The following SETD7 variants were observed in gnomAD, a reference collection of about 807,000 sequenced individuals.
SETD7 encodes SET domain containing 7, histone lysine methyltransferase.
Under a neutral mutation model 41.8 loss-of-function variants are expected in SETD7, and 16 were observed. That is an observed-to-expected ratio of 0.38 (90% CI 0.26 to 0.58). The LOEUF (loss-of-function observed/expected upper bound fraction) is 0.58. SETD7 is among the 20% of genes least tolerant of loss of function. The pLI, the probability that SETD7 is intolerant of heterozygous loss-of-function variation, is 0.64. For synonymous variants in SETD7, 163 were observed against 169.7 expected (o/e 0.96, Z 0.31); for missense variants, 346 against 459.7 (o/e 0.75, Z 2.26).
chr4:139,553,739 G>C (rs1215068276), intron 1 of SETD7, among the ~76,000 whole-genome samples: 1 of 152,192 alleles, frequency 6.6e-6, no homozygotes, highest in Non-Finnish European at 1.5e-5. Context: ...TTATAGCAAT[G>C]ATAATAATAG....
At chr4:139,531,108 G>C (rs1468040546) in intron 3 of SETD7, among the ~76,000 whole-genome samples, 1 of 152,164 alleles carries the variant, frequency 6.6e-6, no homozygotes, top group Non-Finnish European at 1.5e-5. Context: ...TACTGGGTAG[G>C]GGTTAAGAGG....
chr4:139,538,404 G>T (rs942340734), intron 2 of SETD7, among the ~76,000 whole-genome samples: 1 of 152,040 alleles, frequency 6.6e-6, no homozygotes, highest in Non-Finnish European at 1.5e-5. Flanking sequence ...ATCTCGGCTT[G>T]CTGCAACCTC....
At chr4:139,526,721 T>C (rs1727339186) in intron 4 of SETD7, among the ~76,000 whole-genome samples, 1 of 152,206 alleles carries the variant, frequency 6.6e-6, no homozygotes, top group Non-Finnish European at 1.5e-5. Flanking sequence ...GATAATATAG[T>C]AAATGTTAGA....
chr4:139,545,556 G>A (rs998253158), intron 2 of SETD7, among the ~76,000 whole-genome samples: 6 of 152,172 alleles, frequency 3.9e-5, no homozygotes, highest in Non-Finnish European at 8.8e-5. Context: ...AGGTGGGGTT[G>A]GGGGCAACGG....
At chr4:139,529,769 T>C (rs1727430493) in intron 3 of SETD7, among the ~76,000 whole-genome samples, 2 of 152,234 alleles carry the variant, frequency 1.3e-5, no homozygotes, top group South Asian at 4.1e-4. Context: ...AAGAGAGTTA[T>C]CTGCACTTTT....
chr4:139,494,349 T>C (rs1300360209), downstream of SETD7, among the ~76,000 whole-genome samples: 5 of 152,360 alleles, frequency 3.3e-5, no homozygotes, highest in East Asian at 9.6e-4. Context: ...CATGTCCTGC[T>C]GTGTCTACTG....
chr4:139,538,710 T>G (rs541884050), intron 2 of SETD7, among the ~76,000 whole-genome samples: 1 of 152,230 alleles, frequency 6.6e-6, no homozygotes, highest in South Asian at 2.1e-4. Flanking sequence ...ATAATGTTCT[T>G]AACATGCTTA....
intron 3 of SETD7, chr4:139,532,919 T>A (rs754139460): frequency 7.1e-6 from 4 of 566,728 alleles, no homozygotes; most frequent in Non-Finnish European, 9.4e-6. Flanking sequence ...CAATTTGTTT[T>A]AATCATGATT....
chr4:139,530,953 C>T (rs1323628609), intron 3 of SETD7, among the ~76,000 whole-genome samples: 1 of 152,072 alleles, frequency 6.6e-6, no homozygotes, highest in Non-Finnish European at 1.5e-5. Context: ...AAATTTCCTC[C>T]TCTGCTGTAT....
rs149172899 is a variant in SETD7, at chr4:139,498,798, C to A, written c.921-2277G>T. Among the ~76,000 whole-genome samples, 12 of 152,340 alleles carry A rather than the reference C, an allele frequency of 7.9e-5. No homozygotes were observed. The East Asian group carries it at 2.3e-3, about 29-fold the overall frequency. ...ATAAAACCTAAAAATATCACTCTAA[C>A]TTTCCCTCTGCCTTTCTGTGTAAAA... On this transcript the variant is annotated intron_variant, in intron 7 of 7. Coordinates refer to the SETD7 transcript ENST00000506866.
chr4:139,512,493 T>C (rs889350280), intron 7 of SETD7, among the ~76,000 whole-genome samples: 1 of 152,136 alleles, frequency 6.6e-6, no homozygotes, highest in African/African-American at 2.4e-5. Context: ...GAGCAGTATC[T>C]CCTTCCTACA....
At chr4:139,542,031 C>T (rs771341188) in intron 2 of SETD7, among the ~76,000 whole-genome samples, 7 of 152,136 alleles carry the variant, frequency 4.6e-5, no homozygotes, top group Admixed American at 6.6e-5. Context: ...GTGGTATATA[C>T]GTACACAATG....
intron 3 of SETD7, among the ~76,000 whole-genome samples, chr4:139,529,787 C>G (rs566317341): frequency 8.5e-5 from 13 of 152,148 alleles, no homozygotes. Context: ...TTTTCAGAGG[C>G]AAACAAAAGG....
downstream of SETD7, among the ~76,000 whole-genome samples, chr4:139,493,224 T>C (rs1726384360): frequency 6.6e-6 from 1 of 152,196 alleles, no homozygotes; most frequent in Non-Finnish European, 1.5e-5. Context: ...TTCTGAGACA[T>C]GACGGTCAAG....
intron 7 of SETD7, chr4:139,496,588 C>T: frequency 1.5e-6 from 1 of 656,970 alleles, no homozygotes; most frequent in Non-Finnish European, 2.7e-6. Context: ...GATCTCAAGC[C>T]ACGGTGCTGA....
chr4:139,545,923 C>A (rs557649860), intron 2 of SETD7, among the ~76,000 whole-genome samples: 1 of 152,178 alleles, frequency 6.6e-6, no homozygotes, highest in African/African-American at 2.4e-5. Context: ...AGCCCTTTTG[C>A]GGCTCTGAAT....
chr4:139,539,088 T>C (rs1350572466), intron 2 of SETD7, among the ~76,000 whole-genome samples: 1 of 152,210 alleles, frequency 6.6e-6, no homozygotes, highest in Non-Finnish European at 1.5e-5. Context: ...TATAGAAAAC[T>C]GTTCTTAGAG....
rs1187966813 is a variant in SETD7 at position 139,517,734 on chromosome 4, C to T, written c.920+151G>A. 7.1e-6 allele frequency: 5 copies of T among 705,246 alleles called. No individual in the cohort carries two copies. In the East Asian group the frequency reaches 1.2e-4, roughly 17 times the overall value. The allele number at this position is 705,246 out of a possible 1,614,324, so 43.7% of individuals were successfully genotyped here. On this transcript the variant is annotated intron_variant, in intron 7 of 7. Transcript: ENST00000274031. ...GTGAGGCTGTTTAGATTTTGAGTTT[C>T]AAGTCATAACCCTGAGGCCGATAGC...
chr4:139,549,580 A>C (rs1560693697), intron 1 of SETD7, among the ~76,000 whole-genome samples: 7 of 134,934 alleles, frequency 5.2e-5, no homozygotes, highest in African/African-American at 8.4e-5. Flanking sequence ...TTCTTACCTC[A>C]CTCCCTCCTT....
Sources: allele counts gnomAD v4.1 joint callset (sites outside exome capture counted in the v4.1 genomes callset), GRCh38; gene constraint gnomAD v4.1.1; transcripts MANE v1.5; gene names NCBI Gene and HGNC (gene_info 2026-07-23, HGNC 2026-07-21).